RBM43: variants seen among roughly 807,000 people sequenced by gnomAD.
RBM43 encodes RNA-binding protein 43.
RBM43 carries 12 observed loss-of-function variants against 12.4 expected under a neutral mutation model. The observed-to-expected ratio is 0.97, with a 90% CI of 0.62 to 1.57. RBM43 has a LOEUF of 1.57. Among genes scored for constraint, RBM43 ranks in the 40% most tolerant of loss-of-function variants. RBM43 has a pLI of 0.00. For missense variants in RBM43, 348 were observed against 400.1 expected (o/e 0.87, Z 1.11); for synonymous variants, 138 against 145.7 (o/e 0.95, Z 0.38).
chr2:151,261,790 T>C lies in RBM43; in HGVS notation c.-63A>G, dbSNP rs1683051733. The C allele has an allele frequency of 7.0e-6, 11 of 1,572,280 alleles. No homozygotes were observed. The highest frequency in any genetic ancestry group is 9.5e-6 in the Non-Finnish European group (11 of 1,156,390). On this transcript the variant is annotated 5_prime_UTR_variant, in exon 1 of 4. Transcript: ENST00000331426. ...CCCACAACCAGCGGAACGCAGGCGA[T>C]GGGGAGAGGAGCGAGCAGGCAGGTT...
intron 1 of RBM43, among the ~76,000 whole-genome samples, chr2:151,257,642 G>A (rs1445598969): frequency 1.3e-5 from 2 of 151,966 alleles, no homozygotes; most frequent in Admixed American, 1.3e-4. Flanking sequence ...GGGGTGAGCC[G>A]AGATCGCCCC....
intron 1 of RBM43, among the ~76,000 whole-genome samples, chr2:151,260,812 A>T (rs1683036651): frequency 6.6e-6 from 1 of 152,190 alleles, no homozygotes; most frequent in African/African-American, 2.4e-5. Flanking sequence ...CCTTTCAAGG[A>T]CTTTGAAACG....
intron 1 of RBM43, among the ~76,000 whole-genome samples, chr2:151,256,557 A>C (rs1249565797): frequency 6.6e-6 from 1 of 152,114 alleles, no homozygotes; most frequent in Non-Finnish European, 1.5e-5. Context: ...AGTGGCTCAC[A>C]CCTGTAATCC....
chr2:151,251,811 AC>A (rs1682907280), intron 3 of RBM43, 147 bp from the exon 4 acceptor site: 1 of 743,650 alleles, frequency 1.3e-6, no homozygotes, highest in Non-Finnish European at 2.1e-6. Context: ...GACTTCTTGC[AC>A]CAGGGCAGCC....
chr2:151,261,300 T>G, intron 1 of RBM43: 1 of 1,550,604 alleles, frequency 6.4e-7, no homozygotes, highest in Non-Finnish European at 8.7e-7. Flanking sequence ...TGACCTCCAT[T>G]TCTGGCTAAT....
rs1210267322 is a variant in RBM43, at chr2:151,248,657, A to G, written c.*2249T>C. Reference sequence around the variant, plus strand: ...CTCCATCTTTTAGTTCAGTTTTAAGAAAAACAGACTAAATGATCCCTGTAA... The same window carrying G: ...CTCCATCTTTTAGTTCAGTTTTAAGGAAAACAGACTAAATGATCCCTGTAA... On this transcript the variant is annotated 3_prime_UTR_variant, in exon 4 of 4. Coordinates refer to ENST00000331426, the MANE Select transcript of RBM43 (RefSeq NM_198557.3). 2.0e-5 allele frequency: 3 copies of G among 152,104 alleles called. No homozygotes were observed. Among genetic ancestry groups the G allele is most frequent in the Non-Finnish European group, 4.4e-5 (3 of 68,024 alleles). 9.4% of individuals were successfully genotyped at this position (152,104 alleles called of 1,614,324 possible).
rs1422134624 is a variant in RBM43, at chr2:151,251,192, C to CT, written c.787dup (p.Ser263LysfsTer19). On this transcript the variant is annotated frameshift_variant, in exon 4 of 4. Coordinates refer to ENST00000331426, the MANE Select transcript of RBM43 (RefSeq NM_198557.3). LOFTEE classifies it low-confidence loss of function (END_TRUNC). ...GTTTGGCTGAGAACCAACTTGAATG[C>CT]TTTTTAGACAAATTGTGGTGATTTC... 2.5e-6 allele frequency: 4 copies of CT among 1,613,798 alleles called. No individual in the cohort carries two copies. The African/African-American group carries it at 5.3e-5, about 22-fold the overall frequency.
At chr2:151,256,278 T>G (rs908613842) in intron 1 of RBM43, among the ~76,000 whole-genome samples, 1 of 152,092 alleles carries the variant, frequency 6.6e-6, no homozygotes, top group African/African-American at 2.4e-5. Flanking sequence ...TTTTCATAAG[T>G]GGAAAATATT....
At position 151,257,818 on chromosome 2, in the gene RBM43, C is replaced by A. The variant is rs565079007; in HGVS notation, c.4-2075G>T. Among the ~76,000 whole-genome samples the A allele has an allele frequency of 2.0e-5, 3 of 152,228 alleles. No individual in the cohort carries two copies. In the East Asian group the frequency reaches 5.8e-4, roughly 29 times the overall value. ...GGCGTGGTGGCTCACGCCTGTAATC[C>A]CAGCACTTTGGGAGGCCAAGGCTGG... On this transcript the variant is annotated intron_variant, in intron 1 of 3. Transcript: ENST00000331426.
chr2:151,259,795 G>A (rs916993465), intron 1 of RBM43, among the ~76,000 whole-genome samples: 1 of 152,146 alleles, frequency 6.6e-6, no homozygotes, highest in African/African-American at 2.4e-5. Context: ...AAGCACTAGG[G>A]AGAAATAGAA....
In RBM43 at chr2:151,250,598, C is replaced by CAAAAA. The variant is rs34911765; in HGVS notation, c.*303_*307dup. On this transcript the variant is annotated 3_prime_UTR_variant, in exon 4 of 4. Transcript: ENST00000331426. ...TGGACAACAGAGCGAGACTCCATCTCAAAAAAAAAAAAAAAAAAGTTTGGT... is the reference window on the plus strand; with the variant it reads ...TGGACAACAGAGCGAGACTCCATCTCAAAAAAAAAAAAAAAAAAAAAAAGTTTGGT... The CAAAAA allele has an allele frequency of 5.7e-5, 7 of 123,314 alleles. No individual in the cohort carries two copies. Among genetic ancestry groups the CAAAAA allele is most frequent in the South Asian group, 2.7e-4 (1 of 3,690 alleles). 7.6% of individuals were successfully genotyped at this position (123,314 alleles called of 1,614,324 possible). A position where few individuals can be genotyped will look rare whatever the true frequency, so the allele number is the denominator to read the frequency against.
intron 1 of RBM43, among the ~76,000 whole-genome samples, chr2:151,260,505 A>G (rs1683032630): frequency 6.6e-6 from 1 of 152,202 alleles, no homozygotes; most frequent in African/African-American, 2.4e-5. Context: ...ATATTTCTTT[A>G]TTCGAATGTC....
Position 151,252,777 on chromosome 2 carries a change from CTG to C in RBM43, c.291_292del (p.Arg98SerfsTer6). The C allele has an allele frequency of 1.9e-6, 3 of 1,604,598 alleles. No individual in the cohort carries two copies. The highest frequency in any genetic ancestry group is 2.6e-6 in the Non-Finnish European group (3 of 1,171,582). On this transcript the variant is annotated frameshift_variant, in exon 3 of 4. Coordinates refer to ENST00000331426, the MANE Select transcript of RBM43 (RefSeq NM_198557.3). LOFTEE classifies it low-confidence loss of function (END_TRUNC). Reference sequence around the variant, plus strand: ...TACCTTGTCACCAAAATGAGAGACTCTGAGAGAGACTGTGAGTTCAGCATGTC... The same window carrying C: ...TACCTTGTCACCAAAATGAGAGACTCAGAGAGACTGTGAGTTCAGCATGTC...
At chr2:151,260,571 G>A (rs1683033257) in intron 1 of RBM43, among the ~76,000 whole-genome samples, 1 of 151,896 alleles carries the variant, frequency 6.6e-6, no homozygotes, top group African/African-American at 2.4e-5. Flanking sequence ...AGTATTTTTA[G>A]AAGAAAAAAA....
At chr2:151,261,355 A>T in intron 1 of RBM43, 1 of 1,550,596 alleles carries the variant, frequency 6.4e-7, no homozygotes, top group Non-Finnish European at 8.7e-7. Flanking sequence ...ACAACAGTTA[A>T]GCCCTAACAG....
intron 1 of RBM43, 65 bp downstream of exon 1, chr2:151,261,660 A>G: frequency 6.4e-7 from 1 of 1,569,046 alleles, no homozygotes. Context: ...GCGCCCTTCT[A>G]GGGGACCATG....
At position 151,257,333 on chromosome 2, in the gene RBM43, A is replaced by AACAC. The variant is rs796208600; in HGVS notation, c.4-1594_4-1591dup. Among the ~76,000 whole-genome samples the AACAC allele has an allele frequency of 3.5e-3, 487 of 140,524 alleles. 2 individuals are homozygous for AACAC. Among genetic ancestry groups the AACAC allele is most frequent in the African/African-American group, 0.013 (473 of 36,978 alleles). 92.2% of individuals were successfully genotyped at this position (140,524 alleles called of 152,430 possible). A position where few individuals can be genotyped will look rare whatever the true frequency, so the allele number is the denominator to read the frequency against. ...ACAAACACACACACACACACACACA[A>AACAC]ACACACACACACACACACAGTGTCC... On this transcript the variant is annotated intron_variant, in intron 1 of 3. Transcript: ENST00000331426.
intron 2 of RBM43, among the ~76,000 whole-genome samples, chr2:151,254,957 A>C (rs892955965): frequency 6.6e-6 from 1 of 152,168 alleles, no homozygotes; most frequent in African/African-American, 2.4e-5. Flanking sequence ...TTTCTACAAT[A>C]AAATGTAACA....
At chr2:151,261,114 A>C in intron 1 of RBM43, 1 of 969,562 alleles carries the variant, frequency 1.0e-6, no homozygotes, top group Non-Finnish European at 1.5e-6. Flanking sequence ...CAGGAATTAA[A>C]GGCCTTGCCA....
Sources: gnomAD v4.1 joint callset for allele counts (sites outside exome capture counted in the v4.1 genomes callset) on GRCh38, gnomAD v4.1.1 for gene constraint, MANE v1.5 for transcripts, NCBI Gene and HGNC (gene_info 2026-07-23, HGNC 2026-07-21) for gene names.